FBRSL1: variants seen among roughly 807,000 people sequenced by gnomAD.
FBRSL1 encodes the protein fibrosin-1-like protein.
Under a neutral mutation model 89.6 loss-of-function variants are expected in FBRSL1, and 51 were observed. The observed-to-expected ratio is 0.57, with a 90% CI of 0.45 to 0.72. The LOEUF (loss-of-function observed/expected upper bound fraction) is 0.72, where lower values mean the gene tolerates loss of function less well. Among genes scored for constraint, FBRSL1 ranks in the 30% least tolerant of loss-of-function variants. The probability of loss-of-function intolerance (pLI) is 0.00; values close to 1 mark genes in which losing one functional copy is unlikely to be tolerated. For synonymous variants in FBRSL1, 779 were observed against 681.1 expected (o/e 1.14, Z -2.24); for missense variants, 1,618 against 1,451.8 (o/e 1.11, Z -1.86).
At chr12:132,503,105 C>T (rs1361400135) in intron 1 of FBRSL1, among the ~76,000 whole-genome samples, 4 of 149,266 alleles carry the variant, frequency 2.7e-5, no homozygotes, top group Admixed American at 6.7e-5. Flanking sequence ...CACAGTGCCC[C>T]GCCTCCCACC....
intron 2 of FBRSL1, chr12:132,511,465 C>T: frequency 2.0e-6 from 2 of 986,154 alleles, no homozygotes; most frequent in Non-Finnish European, 2.4e-6. Flanking sequence ...CAAGGCAGCC[C>T]CACTCGAGTC....
chr12:132,511,750 C>T, intron 2 of FBRSL1: 24 of 985,418 alleles, frequency 2.4e-5, no homozygotes, highest in Non-Finnish European at 2.9e-5. Flanking sequence ...CGCACTTGCT[C>T]ATGAGGACCC....
intron 15 of FBRSL1, chr12:132,581,009 C>T: frequency 3.0e-6 from 3 of 985,508 alleles, no homozygotes; most frequent in Non-Finnish European, 3.6e-6. Flanking sequence ...CAAGACAGAA[C>T]CGTGTCCATC....
At chr12:132,520,807 G>A (rs959242022) in intron 2 of FBRSL1, among the ~76,000 whole-genome samples, 1 of 152,248 alleles carries the variant, frequency 6.6e-6, no homozygotes, top group African/African-American at 2.4e-5. Flanking sequence ...CTCTGGGACT[G>A]TCCCTTCGGG....
At chr12:132,548,153 G>T in intron 5 of FBRSL1, 121 bp downstream of exon 5, 3 of 1,223,354 alleles carry the variant, frequency 2.5e-6, no homozygotes, top group Middle Eastern at 2.0e-4. Flanking sequence ...GGATCCCCCC[G>T]CCCGGTGGGT....
intron 5 of FBRSL1, among the ~76,000 whole-genome samples, chr12:132,556,459 G>A (rs1429208086): frequency 2.0e-5 from 3 of 148,838 alleles, no homozygotes; most frequent in South Asian, 2.2e-4. Flanking sequence ...CTGAGTGTTC[G>A]TCCTGTGGGA....
intron 4 of FBRSL1, among the ~76,000 whole-genome samples, chr12:132,543,691 G>A (rs2037450804): frequency 6.6e-6 from 1 of 152,236 alleles, no homozygotes; most frequent in African/African-American, 2.4e-5. Context: ...GTGAGGGTCT[G>A]GGAAGGCCGC....
At chr12:132,548,740 T>C (rs2037903382) in intron 5 of FBRSL1, among the ~76,000 whole-genome samples, 2 of 152,120 alleles carry the variant, frequency 1.3e-5, no homozygotes, top group Admixed American at 6.5e-5. Flanking sequence ...CCACTGCACC[T>C]CACTGTCTCC....
chr12:132,548,363 G>A (rs760995324), intron 5 of FBRSL1, among the ~76,000 whole-genome samples: 6 of 152,180 alleles, frequency 3.9e-5, no homozygotes, highest in African/African-American at 7.2e-5. Flanking sequence ...GGCAGCAGAG[G>A]GCAGCTGGGC....
chr12:132,508,436 C>A, intron 2 of FBRSL1, 86 bp downstream of exon 2: 1 of 1,329,636 alleles, frequency 7.5e-7, no homozygotes, highest in Non-Finnish European at 9.9e-7. Context: ...GACACCACGC[C>A]ACGTGGCCCC....
chr12:132,496,061 G>A (rs2031968998), intron 1 of FBRSL1, among the ~76,000 whole-genome samples: 1 of 152,224 alleles, frequency 6.6e-6, no homozygotes, highest in African/African-American at 2.4e-5. Flanking sequence ...AGGCCTTCCT[G>A]TCCTTGCCGT....
intron 4 of FBRSL1, among the ~76,000 whole-genome samples, chr12:132,530,745 GA>G (rs2036195785): frequency 1.2e-5 from 1 of 83,382 alleles, no homozygotes; most frequent in Admixed American, 1.3e-4. Context: ...GGGGGAGGGG[GA>G]AGGGGGGAGG....
In FBRSL1 at chr12:132,570,216, G is replaced by A. The variant is rs1178566383; in HGVS notation, c.982G>A (p.Ala328Thr). Residue 328 changes from alanine to threonine, a missense_variant, in exon 7 of 19, where the codon GCA (alanine) becomes ACA (threonine). Ala to Thr is a moderately conservative substitution (Grantham distance 58, BLOSUM62 0). Coordinates refer to ENST00000680143, the MANE Select transcript of FBRSL1 (RefSeq NM_001367871.1). ...CGCCTTCGCGGGCCACAGCCAGGCG[G>A]CAGCCAACGGCCTGCACGGCCTCAG... The part of the protein sequence containing the change: ...LGAFAGHSQA[A>T]ANGLHGLSRS... The A allele has an allele frequency of 6.7e-7, 1 of 1,500,346 alleles. No homozygotes were observed. Among genetic ancestry groups the A allele is most frequent in the African/African-American group, 1.5e-5 (1 of 68,900 alleles). 92.9% of individuals were successfully genotyped at this position (1,500,346 alleles called of 1,614,324 possible).
At chr12:132,572,094 G>A (rs1053066430) in intron 9 of FBRSL1, 194 bp from the exon 10 acceptor site, 17 of 594,706 alleles carry the variant, frequency 2.9e-5, no homozygotes, top group Middle Eastern at 4.4e-4. Flanking sequence ...TGGCAGGGCC[G>A]CCCTGGTCTG....
intron 4 of FBRSL1, among the ~76,000 whole-genome samples, chr12:132,532,189 T>C (rs2036345244): frequency 6.6e-6 from 1 of 152,032 alleles, no homozygotes; most frequent in African/African-American, 2.4e-5. Context: ...AGCTGCAGGG[T>C]GGTGGTGGCA....
intron 1 of FBRSL1, among the ~76,000 whole-genome samples, chr12:132,498,403 C>G (rs972039790): frequency 6.6e-6 from 1 of 152,210 alleles, no homozygotes; most frequent in Non-Finnish European, 1.5e-5. Context: ...CGGCTGGAGG[C>G]TGAGCTACAG....
rs1271488662 is a variant in FBRSL1 at position 132,508,219 on chromosome 12, C to G, written c.358C>G (p.Arg120Gly). ...KWERRLIKKPRESETCPPAEP... is the reference protein window; with the variant it reads ...KWERRLIKKPGESETCPPAEP... Reference sequence around the variant, plus strand: ...GGAGCGTCGTCTCATCAAGAAGCCCCGGGAGTCGGAAACCTGCCCCCCTGC... The same window carrying G: ...GGAGCGTCGTCTCATCAAGAAGCCCGGGGAGTCGGAAACCTGCCCCCCTGC... The change falls in exon 2 of 19, where the codon CGG becomes GGG. Residue 120 changes from arginine to glycine, a missense_variant. By Grantham distance (125) the Arg-to-Gly change is moderately radical (BLOSUM62 -2). Transcript: ENST00000680143. 1 of 1,551,176 alleles carries G rather than the reference C, an allele frequency of 6.4e-7. No homozygotes were observed. The highest frequency in any genetic ancestry group is 8.7e-7 in the Non-Finnish European group (1 of 1,146,940).
At chr12:132,509,569 C>T (rs1168619521) in intron 2 of FBRSL1, 12 of 1,231,900 alleles carry the variant, frequency 9.7e-6, no homozygotes, top group African/African-American at 4.7e-5. Context: ...CTGCTGACCC[C>T]GTGTCACCAC....
At chr12:132,576,711 C>T (rs564881296) in intron 14 of FBRSL1, 88 bp from the exon 15 acceptor site, 6 of 1,442,020 alleles carry the variant, frequency 4.2e-6, no homozygotes, top group Middle Eastern at 1.8e-4. Context: ...CTGGCTCACA[C>T]CCAGTCCCTG....
Sources: gnomAD v4.1 joint callset for allele counts (sites outside exome capture counted in the v4.1 genomes callset) on GRCh38, gnomAD v4.1.1 for gene constraint, MANE v1.5 for transcripts, NCBI Gene and HGNC (gene_info 2026-07-23, HGNC 2026-07-21) for gene names.